DTNBP1: variants seen among roughly 807,000 people sequenced by gnomAD.
DTNBP1 encodes the protein dysbindin.
DTNBP1 carries 35 observed loss-of-function variants against 42.8 expected under a neutral mutation model. The observed-to-expected ratio is 0.82, with a 90% CI of 0.63 to 1.09. The LOEUF is 1.09. Ranked by LOEUF, DTNBP1 falls within the 50% of genes least tolerant of loss-of-function variation. The probability of loss-of-function intolerance (pLI) is 0.00; values close to 1 mark genes in which losing one functional copy is unlikely to be tolerated. For missense variants in DTNBP1, 457 were observed against 424.2 expected (o/e 1.08, Z -0.68); for synonymous variants, 171 against 162.2 (o/e 1.05, Z -0.41).
intron 8 of DTNBP1, among the ~76,000 whole-genome samples, chr6:15,530,165 A>G (rs1772717942): frequency 6.6e-6 from 1 of 152,252 alleles, no homozygotes; most frequent in South Asian, 2.1e-4. Flanking sequence ...AGTTTTTAAA[A>G]TTTTGATTGA....
chr6:15,525,919 G>A (rs1487398706), intron 8 of DTNBP1, among the ~76,000 whole-genome samples: 1 of 152,032 alleles, frequency 6.6e-6, no homozygotes, highest in African/African-American at 2.4e-5. Context: ...TTCCAAGCAA[G>A]ATCAAAGCAA....
intron 7 of DTNBP1, among the ~76,000 whole-genome samples, chr6:15,545,830 A>G (rs936682934): frequency 1.3e-5 from 2 of 152,316 alleles, no homozygotes; most frequent in South Asian, 2.1e-4. Context: ...CTGCAGGAAC[A>G]AGATGTGTAT....
chr6:15,575,554 G>C (rs1775525855), intron 7 of DTNBP1, among the ~76,000 whole-genome samples: 1 of 152,212 alleles, frequency 6.6e-6, no homozygotes. Context: ...CTGCTGAAAA[G>C]TGACCCCTGG....
chr6:15,658,994 G>A (rs1179119550), intron 1 of DTNBP1, among the ~76,000 whole-genome samples: 3 of 152,036 alleles, frequency 2.0e-5, no homozygotes, highest in South Asian at 2.1e-4. Context: ...TTGTTACTAC[G>A]CATAAAAATT....
At chr6:15,600,965 G>A (rs1000598174) in intron 6 of DTNBP1, among the ~76,000 whole-genome samples, 5 of 152,182 alleles carry the variant, frequency 3.3e-5, no homozygotes, top group Non-Finnish European at 1.5e-5. Flanking sequence ...GATGAGCCAA[G>A]GATGTAGAAG....
At chr6:15,577,436 G>A (rs1251128372) in intron 7 of DTNBP1, among the ~76,000 whole-genome samples, 1 of 152,224 alleles carries the variant, frequency 6.6e-6, no homozygotes, top group Non-Finnish European at 1.5e-5. Context: ...AGTAGGGGAG[G>A]CAGGAAGAAA....
Position 15,523,081 on chromosome 6 carries a change from G to C in DTNBP1, c.950C>G (p.Pro317Arg), listed in dbSNP as rs367543103. 1.4e-5 allele frequency: 22 copies of C among 1,614,078 alleles called. No homozygotes were observed. The highest frequency in any genetic ancestry group is 1.9e-5 in the Non-Finnish European group (22 of 1,180,058). ...TRDISEGGESPVVQSDEEEVQ... is the reference protein window; with the variant it reads ...TRDISEGGESRVVQSDEEEVQ... ...TTCCTCCTCATCGGACTGAACAACG[G>C]GGGACTCCCCACCCTCACTGATGTC... Residue 317 changes from proline to arginine, a missense_variant, in exon 10 of 10, where the codon CCC becomes CGC. Pro to Arg is a moderately radical substitution (Grantham distance 103). Transcript: ENST00000344537.
chr6:15,531,799 A>G (rs1772848236), intron 8 of DTNBP1, among the ~76,000 whole-genome samples: 1 of 152,070 alleles, frequency 6.6e-6, no homozygotes, highest in Non-Finnish European at 1.5e-5. Flanking sequence ...ACGCCCAGCT[A>G]ATTTTTGTAT....
chr6:15,562,398 A>C (rs554713878), intron 7 of DTNBP1, among the ~76,000 whole-genome samples: 1 of 152,300 alleles, frequency 6.6e-6, no homozygotes, highest in South Asian at 2.1e-4. Flanking sequence ...AAAATTTATA[A>C]AAAGAAAATA....
Position 15,627,129 on chromosome 6 carries a change from G to A in DTNBP1, c.355+214C>T, listed in dbSNP as rs79873839. Among the ~76,000 whole-genome samples the A allele has an allele frequency of 9.0e-4, 137 of 152,154 alleles. 1 individual carries two copies. The East Asian group carries it at 0.024, about 27-fold the overall frequency. ...TCAACATAATTATAATTATGTGTCC[G>A]GAGCTGACCTGAGGCAGAAACAGAA... On this transcript the variant is annotated intron_variant, in intron 5 of 9. Transcript: ENST00000344537.
intron 5 of DTNBP1, among the ~76,000 whole-genome samples, chr6:15,622,075 A>C (rs1345845527): frequency 6.6e-6 from 1 of 152,216 alleles, no homozygotes; most frequent in East Asian, 1.9e-4. Context: ...TGTTGAATTC[A>C]ATAAAGAATA....
At chr6:15,645,232 G>C (rs1040127020) in intron 3 of DTNBP1, among the ~76,000 whole-genome samples, 1 of 151,724 alleles carries the variant, frequency 6.6e-6, no homozygotes, top group African/African-American at 2.4e-5. Context: ...GAACCAGAAA[G>C]AAATTGAAAT....
chr6:15,639,453 C>T (rs987929237), intron 3 of DTNBP1, among the ~76,000 whole-genome samples: 2 of 152,248 alleles, frequency 1.3e-5, no homozygotes, highest in East Asian at 3.9e-4. Flanking sequence ...ATACTGCCTC[C>T]CCTCATAGTC....
intron 3 of DTNBP1, among the ~76,000 whole-genome samples, chr6:15,645,137 GACT>G (rs912851826): frequency 1.4e-3 from 206 of 152,026 alleles, no homozygotes; most frequent in African/African-American, 4.8e-3. Context: ...GATCATCAGA[GACT>G]ACTAAGAACA....
At chr6:15,569,522 C>T (rs758254657) in intron 7 of DTNBP1, among the ~76,000 whole-genome samples, 1 of 152,146 alleles carries the variant, frequency 6.6e-6, no homozygotes, top group Non-Finnish European at 1.5e-5. Context: ...AGGCGATGTG[C>T]GGTTTCCTCC....
At chr6:15,615,681 C>T (rs571881581) in intron 5 of DTNBP1, among the ~76,000 whole-genome samples, 26 of 152,280 alleles carry the variant, frequency 1.7e-4, no homozygotes, top group African/African-American at 6.0e-4. Context: ...TCTTGATTAA[C>T]GTAATGCTAT....
At position 15,534,894 on chromosome 6, in the gene DTNBP1, G is replaced by A. The variant is rs375323394; in HGVS notation, c.512-1499C>T. On this transcript the variant is annotated intron_variant, in intron 7 of 9. Transcript: ENST00000344537. The stretch of plus-strand genomic sequence containing the variant: ...AGGGACCAGTGACCCTTCAAGGTAA[G>A]CCTTAGTAATATACAAGGCAAGAAC... 9.2e-5 allele frequency among the ~76,000 whole-genome samples: 14 copies of A among 152,234 alleles called. No individual in the cohort carries two copies. In the East Asian group the frequency reaches 2.7e-3, roughly 29 times the overall value.
intron 7 of DTNBP1, among the ~76,000 whole-genome samples, chr6:15,562,699 G>C (rs1774898488): frequency 1.3e-5 from 2 of 152,142 alleles, no homozygotes; most frequent in South Asian, 2.1e-4. Context: ...ATAGAAACTA[G>C]CATAATCACC....
Position 15,652,111 on chromosome 6 carries a change from T to C in DTNBP1, c.86A>G (p.Glu29Gly). Residue 29 changes from glutamate (E) to glycine (G), a missense_variant, in exon 2 of 10, where the codon GAA becomes GGA. By Grantham distance (98) the Glu-to-Gly change is moderately conservative. Coordinates refer to ENST00000344537, the MANE Select transcript of DTNBP1 (RefSeq NM_032122.5). Reference protein sequence around the residue: ...GLKTLSDKSREAKVKSKPRTV... With the variant: ...GLKTLSDKSRGAKVKSKPRTV... Reference sequence around the variant, plus strand: ...CCTGGGTTTGCTTTTCACTTTTGCTTCTCTTGACTTGTCACTTAAAGTCTT... The same window carrying C: ...CCTGGGTTTGCTTTTCACTTTTGCTCCTCTTGACTTGTCACTTAAAGTCTT... The C allele has an allele frequency of 6.2e-7, 1 of 1,612,954 alleles. No homozygotes were observed. The highest frequency in any genetic ancestry group is 1.1e-5 in the South Asian group (1 of 90,916).
Sources: gnomAD v4.1 joint callset for allele counts (sites outside exome capture counted in the v4.1 genomes callset) on GRCh38, gnomAD v4.1.1 for gene constraint, MANE v1.5 for transcripts, NCBI Gene and HGNC (gene_info 2026-07-23, HGNC 2026-07-21) for gene names.